HECTD4: variants seen among roughly 807,000 people sequenced by gnomAD.
HECTD4 encodes the protein probable E3 ubiquitin-protein ligase HECTD4.
HECTD4 carries 114 observed loss-of-function variants against 471.5 expected under a neutral mutation model. The observed-to-expected ratio is 0.24, with a 90% confidence interval of 0.21 to 0.28. The LOEUF (loss-of-function observed/expected upper bound fraction) is 0.28, where lower values mean the gene tolerates loss of function less well. HECTD4 is among the 10% of genes least tolerant of loss of function. HECTD4 has a pLI of 1.00. For missense variants in HECTD4, 3,866 were observed against 5,651.5 expected (o/e 0.68, Z 10.13); for synonymous variants, 2,012 against 2,256.0 (o/e 0.89, Z 3.07).
At chr12:112,191,035 C>G (rs1205773348) in intron 59 of HECTD4, 70 bp from the exon 60 acceptor site, 1 of 1,339,322 alleles carries the variant, frequency 7.5e-7, no homozygotes, top group African/African-American at 1.5e-5. Flanking sequence ...CACAAAAGGT[C>G]CTGCCAGGTG....
intron 32 of HECTD4, 124 bp from the exon 33 acceptor site, chr12:112,240,151 A>C (rs1287446068): frequency 2.0e-6 from 2 of 1,003,978 alleles, no homozygotes; most frequent in Non-Finnish European, 2.9e-6. Flanking sequence ...GATCTTGGAG[A>C]ACATCCAGCT....
rs1474802996 is a variant in HECTD4, at chr12:112,381,525, G to A, written c.177+427C>T. Among the ~76,000 whole-genome samples the A allele has an allele frequency of 6.6e-6, 1 of 152,188 alleles. No individual in the cohort carries two copies. The highest frequency in any genetic ancestry group is 1.5e-5 in the Non-Finnish European group (1 of 68,052). On this transcript the variant is annotated intron_variant, in intron 1 of 75. Transcript: ENST00000682272. The surrounding 1 kb of genome is among the most constrained non-coding windows in gnomAD (Gnocchi z 4.1). ...ACAGAACTAGGGAAGAAAAGGATGG[G>A]AGGGTACACAGCGTGAAAATCAAAA...
At chr12:112,380,260 C>T (rs1026626312) in intron 1 of HECTD4, among the ~76,000 whole-genome samples, 4 of 152,070 alleles carry the variant, frequency 2.6e-5, no homozygotes, top group Middle Eastern at 3.2e-3. Flanking sequence ...GCCTGGCCAA[C>T]ATGGTGAAAC....
intron 52 of HECTD4, 119 bp from the exon 53 acceptor site, chr12:112,204,742 A>T (rs2032524082): frequency 3.7e-6 from 3 of 814,764 alleles, no homozygotes; most frequent in Non-Finnish European, 5.8e-6. Context: ...TTATGAAAGT[A>T]CATAACCCTT....
In HECTD4 at chr12:112,381,507, T is replaced by C. The variant is rs1003225784; in HGVS notation, c.177+445A>G. ...CCAAACCAAACAAAAAAAACAGAAC[T>C]AGGGAAGAAAAGGATGGGAGGGTAC... On this transcript the variant is annotated intron_variant, in intron 1 of 75. Transcript: ENST00000682272. This position sits in a 1 kb window ranked among gnomAD's most constrained non-coding sequence, Gnocchi z 4.1. Among the ~76,000 whole-genome samples the C allele has an allele frequency of 6.6e-5, 10 of 151,436 alleles. No homozygotes were observed. Among genetic ancestry groups the C allele is most frequent in the African/African-American group, 2.4e-4 (10 of 41,230 alleles).
chr12:112,330,738 A>C (rs879780427), intron 1 of HECTD4, among the ~76,000 whole-genome samples: 5 of 152,254 alleles, frequency 3.3e-5, no homozygotes, highest in Non-Finnish European at 5.9e-5. Flanking sequence ...ATAAATTCCA[A>C]GAATAATCCT....
intron 13 of HECTD4, among the ~76,000 whole-genome samples, chr12:112,268,011 A>T (rs1048396464): frequency 6.6e-6 from 1 of 152,076 alleles, no homozygotes; most frequent in African/African-American, 2.4e-5. Context: ...TTTTTTGTAG[A>T]GACAAGGTCT....
chr12:112,324,128 A>AT (rs769319569), intron 1 of HECTD4, among the ~76,000 whole-genome samples: 594 of 56,518 alleles, frequency 0.011, 18 homozygotes, highest in African/African-American at 0.032. Flanking sequence ...TCTTTTTTTT[A>AT]TTTTTTTTTT....
At chr12:112,195,636 G>C (rs922738257) in intron 55 of HECTD4, among the ~76,000 whole-genome samples, 1 of 152,120 alleles carries the variant, frequency 6.6e-6, no homozygotes, top group South Asian at 2.1e-4. Context: ...ATGGATATGG[G>C]GTTTCTTTTG....
intron 1 of HECTD4, among the ~76,000 whole-genome samples, chr12:112,357,713 G>A (rs1015756375): frequency 6.6e-6 from 1 of 152,068 alleles, no homozygotes; most frequent in African/African-American, 2.4e-5. Flanking sequence ...AGATTACATA[G>A]CATTCAAAAA....
chr12:112,255,853 A>G (rs566415302), intron 21 of HECTD4, among the ~76,000 whole-genome samples: 9 of 152,306 alleles, frequency 5.9e-5, no homozygotes, highest in Admixed American at 2.6e-4. Context: ...AAAAGAACAA[A>G]TGTTTAAATA....
At chr12:112,269,598 G>T in intron 13 of HECTD4, 106 bp downstream of exon 13, 2 of 1,202,792 alleles carry the variant, frequency 1.7e-6, no homozygotes, top group Non-Finnish European at 1.2e-6. Context: ...TCCCAATTGT[G>T]GGATGGGGTA....
At chr12:112,261,279 G>A in intron 18 of HECTD4, 26 bp downstream of exon 18, 1 of 1,533,412 alleles carries the variant, frequency 6.5e-7, no homozygotes, top group Non-Finnish European at 8.9e-7. Flanking sequence ...AGGGCAGCTG[G>A]TCACAGCCCA....
At chr12:112,298,064 T>C (rs886798047) in intron 7 of HECTD4, among the ~76,000 whole-genome samples, 1 of 152,096 alleles carries the variant, frequency 6.6e-6, no homozygotes, top group Non-Finnish European at 1.5e-5. Flanking sequence ...AAGAACTGTT[T>C]AGTGGCATGA....
At chr12:112,172,642 G>C (rs762410161) in intron 67 of HECTD4, 29 bp downstream of exon 67, 2 of 1,607,248 alleles carry the variant, frequency 1.2e-6, no homozygotes, top group African/African-American at 2.7e-5. Context: ...TCAGGCAGCA[G>C]GGGAGGGGAT....
Position 112,163,335 on chromosome 12 carries a change from T to C in HECTD4, c.12898-71A>G. On this transcript the variant is annotated intron_variant, in intron 74 of 75. Transcript: ENST00000682272. The surrounding 1 kb of genome is among the most constrained non-coding windows in gnomAD (Gnocchi z 8.2). ...ACCCAGTGCCTCCCCAGCCCTGGGGTCTGCAGGCCAGGCCCAATCCTGGGG... is the reference window on the plus strand; with the variant it reads ...ACCCAGTGCCTCCCCAGCCCTGGGGCCTGCAGGCCAGGCCCAATCCTGGGG... The C allele has an allele frequency of 7.2e-7, 1 of 1,394,948 alleles. No individual in the cohort carries two copies. The highest frequency in any genetic ancestry group is 9.8e-7 in the Non-Finnish European group (1 of 1,016,106). The allele number at this position is 1,394,948 out of a possible 1,614,324, so 86.4% of individuals were successfully genotyped here.
At position 112,299,446 on chromosome 12, in the gene HECTD4, A is replaced by AC. The variant is rs2035117842; in HGVS notation, c.1335+6617dup. On this transcript the variant is annotated intron_variant, in intron 7 of 75. Transcript: ENST00000682272. The stretch of plus-strand genomic sequence containing the variant: ...CCTGGACAACATGGAGAAACCTCCC[A>AC]CCCCCGTCTCTACAAAAGATACCAA... Among the ~76,000 whole-genome samples the AC allele has an allele frequency of 2.0e-5, 3 of 151,808 alleles. 1 individual carries two copies. In the South Asian group the frequency reaches 6.2e-4, roughly 32 times the overall value.
At chr12:112,318,361 T>C (rs961116595) in intron 2 of HECTD4, among the ~76,000 whole-genome samples, 1 of 151,942 alleles carries the variant, frequency 6.6e-6, no homozygotes, top group Admixed American at 6.6e-5. Context: ...GACTTGCACA[T>C]GAAGAACAGC....
intron 55 of HECTD4, among the ~76,000 whole-genome samples, chr12:112,195,378 T>G (rs1017388249): frequency 3.9e-5 from 6 of 152,228 alleles, no homozygotes; most frequent in Admixed American, 3.9e-4. Context: ...AGAACTCAAG[T>G]GTCCATTAAC....
Sources: gnomAD v4.1 joint callset for allele counts (sites outside exome capture counted in the v4.1 genomes callset) on GRCh38, gnomAD v4.1.1 for gene constraint, Gnocchi (gnomAD v3.1) non-coding constraint, MANE v1.5 for transcripts, NCBI Gene and HGNC (gene_info 2026-07-23, HGNC 2026-07-21) for gene names.